The following EIF4G3 variants were observed in gnomAD, a reference collection of about 807,000 sequenced individuals.
The protein encoded by EIF4G3 is eIF-4-gamma 3.
Under a neutral mutation model 186.4 loss-of-function variants are expected in EIF4G3, and 34 were observed. The observed-to-expected ratio is 0.18, with a 90% CI of 0.14 to 0.24. EIF4G3 has a LOEUF of 0.24. EIF4G3 is among the 10% of genes least tolerant of loss of function. The probability of loss-of-function intolerance (pLI) is 1.00; values close to 1 mark genes in which losing one functional copy is unlikely to be tolerated. For synonymous variants in EIF4G3, 673 were observed against 679.5 expected (o/e 0.99, Z 0.15); for missense variants, 1,536 against 1,948.5 (o/e 0.79, Z 3.99).
intron 2 of EIF4G3, among the ~76,000 whole-genome samples, chr1:21,125,391 G>A (rs1167932407): frequency 1.3e-5 from 2 of 152,132 alleles, no homozygotes; most frequent in Non-Finnish European, 2.9e-5. Context: ...AAGTTCCAGG[G>A]TTATATATTC....
intron 4 of EIF4G3, among the ~76,000 whole-genome samples, chr1:21,044,788 C>T (rs548794757): frequency 1.3e-5 from 2 of 152,092 alleles, no homozygotes; most frequent in South Asian, 4.1e-4. Flanking sequence ...GCTGGGACTA[C>T]AAGTGTGTGC....
At chr1:20,982,258 A>G (rs2078448841) in intron 8 of EIF4G3, 130 bp downstream of exon 8, 10 of 690,402 alleles carry the variant, frequency 1.4e-5, no homozygotes, top group Non-Finnish European at 2.0e-5. Context: ...CTGCAAGATT[A>G]AAAGCCTTGA....
chr1:21,042,191 T>G lies in EIF4G3; in HGVS notation c.-67+8675A>C, dbSNP rs1423677543. ...TGGGGTTTCCCCACATTGCCCAGAC[T>G]GGTCTGAAACTCCTGAGCGCAAGTG... On this transcript the variant is annotated intron_variant, in intron 4 of 36. Coordinates refer to ENST00000602326, the MANE Select transcript of EIF4G3 (RefSeq NM_001391906.1). 3.3e-5 allele frequency among the ~76,000 whole-genome samples: 5 copies of G among 152,272 alleles called. No individual in the cohort carries two copies. In the East Asian group the frequency reaches 7.7e-4, roughly 23 times the overall value.
chr1:20,862,976 A>G (rs551194695), intron 22 of EIF4G3, among the ~76,000 whole-genome samples: 2 of 152,146 alleles, frequency 1.3e-5, no homozygotes, highest in Admixed American at 1.3e-4. Flanking sequence ...TTTTGGACAT[A>G]GGAAATCTCA....
At chr1:21,039,681 A>G (rs1368717764) in intron 4 of EIF4G3, among the ~76,000 whole-genome samples, 5 of 152,184 alleles carry the variant, frequency 3.3e-5, no homozygotes, top group Admixed American at 3.3e-4. Flanking sequence ...CAAAAATTAA[A>G]AACTTTCTGT....
At chr1:21,046,440 A>G (rs2093894272) in intron 4 of EIF4G3, among the ~76,000 whole-genome samples, 1 of 152,190 alleles carries the variant, frequency 6.6e-6, no homozygotes, top group Non-Finnish European at 1.5e-5. Flanking sequence ...GAAGCAGGTA[A>G]TGAGATTGCA....
chr1:21,040,316 G>A (rs2093490554), intron 4 of EIF4G3, among the ~76,000 whole-genome samples: 1 of 152,172 alleles, frequency 6.6e-6, no homozygotes, highest in African/African-American at 2.4e-5. Flanking sequence ...GGAAGTTGCT[G>A]GAGGGTGGTG....
chr1:20,953,098 C>T (rs2096282603), intron 12 of EIF4G3, among the ~76,000 whole-genome samples: 1 of 152,178 alleles, frequency 6.6e-6, no homozygotes, highest in Admixed American at 6.5e-5. Context: ...ATTTTAGTCA[C>T]TTTCACTATT....
At chr1:20,945,335 A>T (rs574581731) in intron 13 of EIF4G3, among the ~76,000 whole-genome samples, 4 of 152,326 alleles carry the variant, frequency 2.6e-5, no homozygotes, top group Admixed American at 1.3e-4. Context: ...AAGGAAATCA[A>T]CTAAATGTTC....
intron 15 of EIF4G3, among the ~76,000 whole-genome samples, chr1:20,903,737 G>A (rs2091202138): frequency 6.6e-6 from 1 of 152,004 alleles, no homozygotes; most frequent in South Asian, 2.1e-4. Context: ...GTAACCAAGG[G>A]GTACTGTTAG....
chr1:20,909,591 G>C (rs990224840), intron 14 of EIF4G3, among the ~76,000 whole-genome samples: 4 of 151,830 alleles, frequency 2.6e-5, no homozygotes. Context: ...TTTTATTTCC[G>C]AGATTTAAAA....
chr1:20,880,755 CA>C (rs775701996), intron 19 of EIF4G3, among the ~76,000 whole-genome samples: 10 of 151,134 alleles, frequency 6.6e-5, no homozygotes, highest in Non-Finnish European at 1.5e-4. Context: ...TGTCTCAAAA[CA>C]AAAAAGATGG....
chr1:20,874,952 G>C (rs547782559), intron 20 of EIF4G3, among the ~76,000 whole-genome samples: 1 of 152,098 alleles, frequency 6.6e-6, no homozygotes, highest in African/African-American at 2.4e-5. Context: ...ATCAACTACA[G>C]TGTCAGAAGT....
chr1:20,851,389 T>G lies in EIF4G3; in HGVS notation c.3641A>C (p.Lys1214Thr). Residue 1214 changes from lysine (K) to threonine (T), a missense_variant, in exon 28 of 37, where the codon AAA becomes ACA. Around this residue, in one of 11 missense-constraint regions of EIF4G3, gnomAD observed 395 missense variants for 498.9 expected, o/e 0.79. Transcript: ENST00000602326. ...TTGAGACTGATTGTCTAGCAGGTCT[T>G]TACTGCTGCCACCCCTCATGAAAGT... is the stretch of plus-strand genomic sequence containing the variant. ...PNTFMRGGSS[K>T]DLLDNQSQEE... The G allele has an allele frequency of 1.2e-6, 2 of 1,614,142 alleles. No individual in the cohort carries two copies. The highest frequency in any genetic ancestry group is 4.5e-5 in the East Asian group (2 of 44,874).
At position 20,883,472 on chromosome 1, in the gene EIF4G3, G is replaced by T. The variant is rs183936666; in HGVS notation, c.2424+2729C>A. 1.2e-4 allele frequency among the ~76,000 whole-genome samples: 19 copies of T among 152,192 alleles called. 1 individual carries two copies. The East Asian group carries it at 3.5e-3, about 28-fold the overall frequency. On this transcript the variant is annotated intron_variant, in intron 19 of 36. Coordinates refer to ENST00000602326, the MANE Select transcript of EIF4G3 (RefSeq NM_001391906.1). ...TCTCTACTAAAAATATAAAAAGTTA[G>T]CCAGGCATGGTGGACACGCCTGTAA...
chr1:21,043,172 C>G (rs2093675633), intron 4 of EIF4G3, among the ~76,000 whole-genome samples: 1 of 152,108 alleles, frequency 6.6e-6, no homozygotes, highest in Non-Finnish European at 1.5e-5. Flanking sequence ...AACAGCTGTT[C>G]AAATGTAAAA....
At chr1:20,894,752 G>A (rs769752313) in intron 17 of EIF4G3, among the ~76,000 whole-genome samples, 21 of 152,146 alleles carry the variant, frequency 1.4e-4, no homozygotes, top group Non-Finnish European at 2.5e-4. Flanking sequence ...CAGCTCTGAT[G>A]AAATTACTTT....
At chr1:20,854,891 A>T in intron 26 of EIF4G3, 87 bp downstream of exon 26, 1 of 1,134,776 alleles carries the variant, frequency 8.8e-7, no homozygotes, top group East Asian at 2.5e-5. Flanking sequence ...CTTTCCCAAA[A>T]ACCATCATTC....
intron 2 of EIF4G3, among the ~76,000 whole-genome samples, chr1:21,118,004 C>A (rs930537349): frequency 3.3e-5 from 5 of 152,162 alleles, no homozygotes; most frequent in African/African-American, 1.2e-4. Context: ...TTGGCCCCTG[C>A]AAACTAGTTC....
Sources: gnomAD v4.1 joint callset for allele counts (sites outside exome capture counted in the v4.1 genomes callset) on GRCh38, gnomAD v4.1.1 for gene constraint, gnomAD v4.1.1 regional missense constraint, MANE v1.5 for transcripts, NCBI Gene and HGNC (gene_info 2026-07-23, HGNC 2026-07-21) for gene names.